KAZN: variants seen among roughly 807,000 people sequenced by gnomAD.
The protein encoded by KAZN is kazrin.
A neutral mutation model predicts 87.4 loss-of-function variants in KAZN; 40 were observed. That is an observed-to-expected ratio of 0.46 (90% confidence interval 0.36 to 0.60). The LOEUF (loss-of-function observed/expected upper bound fraction) is 0.60. Ranked by LOEUF, KAZN falls within the 20% of genes least tolerant of loss-of-function variation. The pLI is 0.00. For missense variants in KAZN, 898 were observed against 1,073.9 expected, an observed-to-expected ratio of 0.84 and a Z score of 2.29; for synonymous variants, 466 against 458.3, an observed-to-expected ratio of 1.02 and a Z score of -0.22.
At chr1:14,053,297 C>T (rs561904641) in intron 1 of KAZN, among the ~76,000 whole-genome samples, 117 of 152,332 alleles carry the variant, frequency 7.7e-4, no homozygotes, top group African/African-American at 2.7e-3. Context: ...AGCTTGGAAG[C>T]AGCCCTTCCC....
intron 1 of KAZN, among the ~76,000 whole-genome samples, chr1:14,155,964 G>C (rs1281248468): frequency 2.0e-5 from 3 of 151,822 alleles, no homozygotes; most frequent in African/African-American, 7.3e-5. Flanking sequence ...TTTTGATGTT[G>C]GCACTTACAG....
At chr1:14,732,112 G>T (rs1159503236) in intron 1 of KAZN, among the ~76,000 whole-genome samples, 1 of 152,222 alleles carries the variant, frequency 6.6e-6, no homozygotes, top group African/African-American at 2.4e-5. Context: ...TGAACTACTG[G>T]CTCAAGGTAG....
chr1:14,739,980 A>G lies in KAZN; in HGVS notation c.226+140757A>G, dbSNP rs77082446. On this transcript the variant is annotated intron_variant, in intron 1 of 14. Transcript: ENST00000376030. ...CCTTTTGGCTCTGGTTTATTGGGGC[A>G]TTTGCTGAGCAGTTGAGAACGGGGG... is the stretch of plus-strand genomic sequence containing the variant. Among the ~76,000 whole-genome samples the G allele has an allele frequency of 4.1e-3, 619 of 152,222 alleles. 3 individuals are homozygous for G. Among genetic ancestry groups the G allele is most frequent in the African/African-American group, 0.014 (580 of 41,526 alleles).
intron 1 of KAZN, among the ~76,000 whole-genome samples, chr1:13,935,456 T>C (rs1042988797): frequency 6.6e-6 from 1 of 152,212 alleles, no homozygotes. Context: ...GCCTGTGATC[T>C]TGACTGCTGT....
At chr1:14,660,585 G>A (rs974703216) in intron 1 of KAZN, among the ~76,000 whole-genome samples, 12 of 119,164 alleles carry the variant, frequency 1.0e-4, no homozygotes, top group Non-Finnish European at 1.3e-4. Context: ...GAAGCCACAC[G>A]GCTGATCAGC....
In KAZN at chr1:14,514,280, G is replaced by A. The variant is rs574265107; in HGVS notation, c.250-84703G>A. 8.8e-4 allele frequency among the ~76,000 whole-genome samples: 109 copies of A among 123,764 alleles called. No individual in the cohort carries two copies. The East Asian group carries it at 0.02, about 23-fold the overall frequency. 81.2% of individuals were successfully genotyped at this position (123,764 alleles called of 152,430 possible). A position where few individuals can be genotyped will look rare whatever the true frequency, so the allele number is the denominator to read the frequency against. On this transcript the variant is annotated intron_variant, in intron 2 of 16. Coordinates refer to the KAZN transcript ENST00000636203. The stretch of plus-strand genomic sequence containing the variant: ...GCGGAGCTTGCAGTAAGCTGAGATC[G>A]CGCCACTGCACTCCAGCCTGGGTGA...
chr1:15,013,826 G>A (rs1669828810), intron 2 of KAZN, among the ~76,000 whole-genome samples: 1 of 152,116 alleles, frequency 6.6e-6, no homozygotes. Flanking sequence ...CTGAGGAGCT[G>A]AAGGAGGCAG....
intron 1 of KAZN, among the ~76,000 whole-genome samples, chr1:14,138,107 GTA>G (rs1553133790): frequency 9.2e-5 from 14 of 151,898 alleles, no homozygotes; most frequent in Non-Finnish European, 8.8e-5. Flanking sequence ...GTGTGTGTGT[GTA>G]TACATATCCT....
intron 2 of KAZN, among the ~76,000 whole-genome samples, chr1:15,008,817 A>C (rs1299856476): frequency 6.6e-6 from 1 of 152,084 alleles, no homozygotes; most frequent in African/African-American, 2.4e-5. Context: ...TCATAAGAGG[A>C]GCGGCAAGGC....
At position 15,077,682 on chromosome 1, in the gene KAZN, G is replaced by A. The variant is rs1639820092; in HGVS notation, c.1222+11929G>A. Among the ~76,000 whole-genome samples, 1 of 152,210 alleles carries A rather than the reference G, an allele frequency of 6.6e-6. No homozygotes were observed. The highest frequency in any genetic ancestry group is 6.5e-5 in the Admixed American group (1 of 15,282). ...GTTGGGGGTTTCACCTTCAGGTGAA[G>A]ATGTTGATGGGCCTGACAATAGGGT... is the stretch of plus-strand genomic sequence containing the variant. On this transcript the variant is annotated intron_variant, in intron 8 of 14. Coordinates refer to ENST00000376030, the MANE Select transcript of KAZN (RefSeq NM_201628.3). The surrounding 1 kb of genome is among the most constrained non-coding windows in gnomAD (Gnocchi z 4.8).
chr1:14,001,290 T>A (rs1639780885), intron 1 of KAZN, among the ~76,000 whole-genome samples: 1 of 152,172 alleles, frequency 6.6e-6, no homozygotes. Flanking sequence ...GGAATGCAGC[T>A]AACAAGGGAT....
chr1:14,875,918 A>C (rs1652719325), intron 1 of KAZN, among the ~76,000 whole-genome samples: 1 of 152,222 alleles, frequency 6.6e-6, no homozygotes, highest in Non-Finnish European at 1.5e-5. Context: ...CTGCCACATC[A>C]ACAGAGATGC....
intron 1 of KAZN, among the ~76,000 whole-genome samples, chr1:14,078,168 C>G (rs1557456970): frequency 6.6e-6 from 1 of 152,176 alleles, no homozygotes; most frequent in Non-Finnish European, 1.5e-5. Context: ...GCTTTGGGGT[C>G]AGGACACATG....
intron 1 of KAZN, among the ~76,000 whole-genome samples, chr1:14,733,946 T>C (rs923728685): frequency 1.2e-4 from 18 of 152,284 alleles, no homozygotes; most frequent in Admixed American, 8.5e-4. Context: ...CGGCACACCA[T>C]AGGGCTGCGC....
intron 2 of KAZN, among the ~76,000 whole-genome samples, chr1:14,453,991 G>A (rs1667424877): frequency 6.6e-6 from 1 of 151,952 alleles, no homozygotes; most frequent in South Asian, 2.1e-4. Flanking sequence ...TTTACAGCAT[G>A]TATTTTTAGG....
chr1:14,834,089 G>A (rs922070836), intron 1 of KAZN, among the ~76,000 whole-genome samples: 1 of 152,058 alleles, frequency 6.6e-6, no homozygotes, highest in Non-Finnish European at 1.5e-5. Context: ...AGGCTGGAGT[G>A]TAGTGGTGTG....
chr1:14,573,461 C>G (rs1674993503), intron 2 of KAZN, among the ~76,000 whole-genome samples: 1 of 152,092 alleles, frequency 6.6e-6, no homozygotes, highest in African/African-American at 2.4e-5. Context: ...GCCTGGCCAG[C>G]ATGGTGAAAC....
chr1:14,958,558 C>T (rs566143814), intron 1 of KAZN, among the ~76,000 whole-genome samples: 2 of 152,184 alleles, frequency 1.3e-5, no homozygotes, highest in Non-Finnish European at 2.9e-5. Flanking sequence ...GAGGGTTAGA[C>T]CCGTTTAACA....
At chr1:14,892,301 G>A (rs1218598631) in intron 1 of KAZN, among the ~76,000 whole-genome samples, 2 of 152,124 alleles carry the variant, frequency 1.3e-5, no homozygotes, top group African/African-American at 4.8e-5. Flanking sequence ...CATCTCTGAT[G>A]ACCCAGGTCC....
Sources: gnomAD v4.1 joint callset for allele counts (sites outside exome capture counted in the v4.1 genomes callset) on GRCh38, gnomAD v4.1.1 for gene constraint, Gnocchi (gnomAD v3.1) non-coding constraint, MANE v1.5 for transcripts, NCBI Gene and HGNC (gene_info 2026-07-23, HGNC 2026-07-21) for gene names.